Variants in MGAT5 observed in about 807,000 individuals in gnomAD.
MGAT5 encodes the protein alpha-1,6-mannosylglycoprotein 6-beta-N-acetylglucosaminyltransferase A.
Under a neutral mutation model 94.3 loss-of-function variants are expected in MGAT5, and 30 were observed. The ratio of observed to expected loss-of-function variants is 0.32; its 90% confidence interval spans 0.24 to 0.43. MGAT5 has a LOEUF of 0.43. Ranked by LOEUF, MGAT5 falls within the 20% of genes least tolerant of loss-of-function variation. The pLI is 1.00. For missense variants in MGAT5, 691 were observed against 905.5 expected, an observed-to-expected ratio of 0.76 and a Z score of 3.04; for synonymous variants, 310 against 322.9, an observed-to-expected ratio of 0.96 and a Z score of 0.43.
At chr2:134,409,216 A>G (rs1683508698) in intron 11 of MGAT5, among the ~76,000 whole-genome samples, 1 of 152,230 alleles carries the variant, frequency 6.6e-6, no homozygotes, top group South Asian at 2.1e-4. Flanking sequence ...AAGACTTGGA[A>G]TGAATCCTTT....
At chr2:134,215,316 T>G (rs1036478020) in intron 1 of MGAT5, among the ~76,000 whole-genome samples, 3 of 152,218 alleles carry the variant, frequency 2.0e-5, no homozygotes, top group African/African-American at 7.2e-5. Context: ...TGTTAGGTGT[T>G]GCTATAATAC....
At chr2:134,307,609 C>G (rs1180531919) in intron 2 of MGAT5, among the ~76,000 whole-genome samples, 1 of 152,018 alleles carries the variant, frequency 6.6e-6, no homozygotes, top group Non-Finnish European at 1.5e-5. Flanking sequence ...GTCAGCATAC[C>G]TTTCCAACCG....
At chr2:134,204,837 TC>T (rs1277747980) in intron 1 of MGAT5, among the ~76,000 whole-genome samples, 1 of 152,102 alleles carries the variant, frequency 6.6e-6, no homozygotes, top group African/African-American at 2.4e-5. Flanking sequence ...TCACACTCCA[TC>T]GACAAACAAT....
chr2:134,323,959 C>T (rs546592997), intron 4 of MGAT5, among the ~76,000 whole-genome samples: 1 of 152,214 alleles, frequency 6.6e-6, no homozygotes, highest in South Asian at 2.1e-4. Context: ...AGTAATTACT[C>T]TGAATGTCAT....
At chr2:134,255,484 TACATATATATACACATATATAC>T (rs1345276433) in intron 1 of MGAT5, among the ~76,000 whole-genome samples, 8 of 143,316 alleles carry the variant, frequency 5.6e-5, no homozygotes, top group Non-Finnish European at 1.1e-4. Context: ...TATACATATA[TACATATATATACACATATATAC>T]ACATATATAT....
In MGAT5 at chr2:134,270,515, C is replaced by G. The variant is rs1281104688; in HGVS notation, c.371C>G (p.Pro124Arg). 1 of 1,614,092 alleles carries G rather than the reference C, an allele frequency of 6.2e-7. No homozygotes were observed. The highest frequency in any genetic ancestry group is 1.7e-5 in the Admixed American group (1 of 60,008). ...TNSTNSTTAV[P>R]SLVALEKINV... ...TCAACCAACTCCACTACAGCTGTTC[C>G]CAGCTTGGTTGCACTTGAGAAAATT... Residue 124 changes from proline (P) to arginine (R), a missense_variant, in exon 2 of 16, where the codon CCC becomes CGC. By Grantham distance (103) the Pro-to-Arg change is moderately radical. Around this residue, in one of 4 missense-constraint regions of MGAT5, gnomAD observed 307 missense variants for 335.4 expected, o/e 0.92. Coordinates refer to ENST00000281923, the MANE Select transcript of MGAT5 (RefSeq NM_002410.5).
At chr2:134,346,129 T>C (rs1293260991) in intron 8 of MGAT5, among the ~76,000 whole-genome samples, 5 of 152,210 alleles carry the variant, frequency 3.3e-5, no homozygotes, top group African/African-American at 4.8e-5. Flanking sequence ...GTAGAGCTGT[T>C]GTTTTCTACC....
intron 2 of MGAT5, among the ~76,000 whole-genome samples, chr2:134,293,725 C>T (rs931913516): frequency 1.3e-5 from 2 of 152,194 alleles, no homozygotes; most frequent in African/African-American, 4.8e-5. Flanking sequence ...CTGTCTCGGC[C>T]TCCGAAAGTG....
intron 11 of MGAT5, among the ~76,000 whole-genome samples, chr2:134,412,131 G>T (rs1683703463): frequency 6.6e-6 from 1 of 152,050 alleles, no homozygotes; most frequent in African/African-American, 2.4e-5. Context: ...TTGTCATCGT[G>T]GCTTCCAGCT....
At chr2:134,136,284 G>T (rs944115228) in intron 1 of MGAT5, among the ~76,000 whole-genome samples, 1 of 152,112 alleles carries the variant, frequency 6.6e-6, no homozygotes, top group Non-Finnish European at 1.5e-5. Flanking sequence ...AAAAATTGGG[G>T]GGCCAGACGC....
intron 4 of MGAT5, among the ~76,000 whole-genome samples, chr2:134,332,042 C>G (rs1440022234): frequency 6.6e-6 from 1 of 151,966 alleles, no homozygotes; most frequent in African/African-American, 2.4e-5. Context: ...AATGCCATCC[C>G]CATCAAGCTA....
chr2:134,183,037 G>A (rs185700266), intron 1 of MGAT5, among the ~76,000 whole-genome samples: 12 of 152,090 alleles, frequency 7.9e-5, no homozygotes, highest in Admixed American at 2.6e-4. Flanking sequence ...TGATCCACCC[G>A]CCTCGGCCTC....
rs189383540 is a variant in MGAT5, at chr2:134,235,023, A to C, written c.-142-19239A>C. ...TTAATCTAAATTAGCACCAGCATTT[A>C]AGAATACACAGATTTGACCAAAACT... On this transcript the variant is annotated intron_variant, in intron 1 of 16. Coordinates refer to the MGAT5 transcript ENST00000409645. Among the ~76,000 whole-genome samples, 685 of 152,126 alleles carry C rather than the reference A, an allele frequency of 4.5e-3. 4 individuals carry two copies. Among genetic ancestry groups the C allele is most frequent in the Non-Finnish European group, 8.6e-3 (583 of 68,004 alleles).
chr2:134,315,803 A>G (rs1437623417), intron 2 of MGAT5, among the ~76,000 whole-genome samples: 1 of 152,160 alleles, frequency 6.6e-6, no homozygotes, highest in African/African-American at 2.4e-5. Flanking sequence ...CTAGTAAGAG[A>G]CCCATGAGAA....
chr2:134,159,034 A>C (rs532104416), intron 1 of MGAT5, among the ~76,000 whole-genome samples: 2 of 152,354 alleles, frequency 1.3e-5, no homozygotes, highest in South Asian at 4.1e-4. Context: ...TACATGTTTT[A>C]CATGGTGATA....
In MGAT5 at chr2:134,172,181, G is replaced by T. The variant is rs561180236; in HGVS notation, c.-143+51890G>T. On this transcript the variant is annotated intron_variant, in intron 1 of 16. Coordinates refer to the MGAT5 transcript ENST00000409645. Reference sequence around the variant, plus strand: ...GTAGAAAGGCTGGCCCTTTAGAGCAGCCCAACCTGGGCCCAGCACACACAT... The same window carrying T: ...GTAGAAAGGCTGGCCCTTTAGAGCATCCCAACCTGGGCCCAGCACACACAT... Among the ~76,000 whole-genome samples the T allele has an allele frequency of 4.6e-4, 70 of 152,260 alleles. No homozygotes were observed. In the South Asian group the frequency reaches 8.5e-3, roughly 18 times the overall value.
chr2:134,423,983 G>A (rs150298256), intron 13 of MGAT5, among the ~76,000 whole-genome samples: 2 of 152,336 alleles, frequency 1.3e-5, no homozygotes, highest in East Asian at 3.9e-4. Context: ...GAGAGGAATA[G>A]ATGTCTGCAA....
chr2:134,225,077 C>CAAAAA (rs1167660901), intron 1 of MGAT5, among the ~76,000 whole-genome samples: 6 of 68,212 alleles, frequency 8.8e-5, no homozygotes, highest in African/African-American at 3.5e-4. Context: ...CCCTGTCTCA[C>CAAAAA]AAAAAAAAAA....
intron 11 of MGAT5, among the ~76,000 whole-genome samples, chr2:134,409,653 C>CTCAA (rs1295920377): frequency 6.6e-6 from 1 of 152,152 alleles, no homozygotes; most frequent in East Asian, 1.9e-4. Context: ...TATGATTATC[C>CTCAA]TCAATGTTCC....
Sources: gnomAD v4.1 joint callset for allele counts (sites outside exome capture counted in the v4.1 genomes callset) on GRCh38, gnomAD v4.1.1 for gene constraint, gnomAD v4.1.1 regional missense constraint, MANE v1.5 for transcripts, NCBI Gene and HGNC (gene_info 2026-07-23, HGNC 2026-07-21) for gene names.